PRKCQ: variants seen among roughly 807,000 people sequenced by gnomAD.
PRKCQ encodes protein kinase C theta.
Under a neutral mutation model 91.2 loss-of-function variants are expected in PRKCQ, and 41 were observed. That is an observed-to-expected ratio of 0.45 (90% CI 0.35 to 0.58). The LOEUF (loss-of-function observed/expected upper bound fraction) is 0.58. Ranked by LOEUF, PRKCQ falls within the 20% of genes least tolerant of loss-of-function variation. The pLI is 0.00. For synonymous variants in PRKCQ, 307 were observed against 316.9 expected, an observed-to-expected ratio of 0.97 and a Z score of 0.33; for missense variants, 673 against 896.5, an observed-to-expected ratio of 0.75 and a Z score of 3.18.
chr10:6,394,630 T>A, the PRKCQ span, among the ~76,000 whole-genome samples: 4 of 148,590 alleles, frequency 2.7e-5, no homozygotes, highest in African/African-American at 1.0e-4. Context: ...ATACGCCAAA[T>A]CGTCAGACGT....
rs984772040 is a variant in PRKCQ, at chr10:6,576,622, G to A, written c.-10+3589C>T. ...GATGAGAAGAATCCTGTGGATGGAT[G>A]ATGGCAATGGTTGCAAAACAATGTG... On this transcript the variant is annotated intron_variant, in intron 1 of 17. Transcript: ENST00000263125. This position sits in a 1 kb window ranked among gnomAD's most constrained non-coding sequence, Gnocchi z 4.2. Among the ~76,000 whole-genome samples the A allele has an allele frequency of 3.3e-5, 5 of 152,222 alleles. No homozygotes were observed. Among genetic ancestry groups the A allele is most frequent in the Non-Finnish European group, 1.5e-5 (1 of 68,044 alleles).
chr10:6,452,021 C>T (rs535525885), intron 15 of PRKCQ, among the ~76,000 whole-genome samples: 23 of 152,212 alleles, frequency 1.5e-4, no homozygotes, highest in South Asian at 4.1e-4. Flanking sequence ...TGGCACAAGA[C>T]AGGGATGCCC....
chr10:6,556,301 A>G (rs1006573678), intron 1 of PRKCQ, among the ~76,000 whole-genome samples: 1 of 151,988 alleles, frequency 6.6e-6, no homozygotes, highest in Non-Finnish European at 1.5e-5. Flanking sequence ...GTGCAGTGGC[A>G]TACGCTTGTA....
In PRKCQ at chr10:6,483,534, G is replaced by T. The variant is rs760035656; in HGVS notation, c.1085C>A (p.Pro362His). 1 of 1,614,172 alleles carries T rather than the reference G, an allele frequency of 6.2e-7. No individual in the cohort carries two copies. The highest frequency in any genetic ancestry group is 8.5e-7 in the Non-Finnish European group (1 of 1,180,016). The change falls in exon 11 of 18, where the codon CCT becomes CAT. Residue 362 changes from proline (P) to histidine (H), a missense_variant. Transcript: ENST00000263125. ...AGATGGTCTTTCTTTGTTCAGTTCA[G>T]GTTCTGGAAGATGGCACATTTTATC... ...EVDKMCHLPE[P>H]ELNKERPSLQ...
intron 1 of PRKCQ, among the ~76,000 whole-genome samples, chr10:6,544,625 T>C (rs1192898642): frequency 2.0e-5 from 3 of 150,094 alleles, no homozygotes; most frequent in Admixed American, 1.3e-4. Context: ...TACCCCACAC[T>C]CTTTTTTTTT....
intron 1 of PRKCQ, among the ~76,000 whole-genome samples, chr10:6,575,457 A>G (rs893387517): frequency 5.9e-5 from 9 of 152,226 alleles, no homozygotes; most frequent in Middle Eastern, 3.2e-3. Context: ...TTTCTGAATC[A>G]TAAGGTTCCT....
At chr10:6,574,984 C>T (rs1047534834) in intron 1 of PRKCQ, among the ~76,000 whole-genome samples, 1 of 151,968 alleles carries the variant, frequency 6.6e-6, no homozygotes, top group Admixed American at 6.5e-5. Flanking sequence ...TCATTCTGCA[C>T]ATATTTGTTC....
intron 1 of PRKCQ, among the ~76,000 whole-genome samples, chr10:6,573,887 C>T (rs576230376): frequency 7.9e-5 from 12 of 152,308 alleles, no homozygotes; most frequent in Admixed American, 3.9e-4. Context: ...GAGGCCAAGG[C>T]GGGCAGATCA....
chr10:6,442,113 C>T, intron 15 of PRKCQ, 32 bp from the exon 16 acceptor site: 2 of 1,597,450 alleles, frequency 1.3e-6, no homozygotes, highest in Non-Finnish European at 1.7e-6. Context: ...AGGAAATTAA[C>T]AGGAATGAGG....
chr10:6,451,986 A>C (rs1177969879), intron 15 of PRKCQ, among the ~76,000 whole-genome samples: 4 of 152,298 alleles, frequency 2.6e-5, no homozygotes, highest in East Asian at 3.9e-4. Flanking sequence ...AATGGGCAAA[A>C]ACTGGAAGCA....
the PRKCQ span, among the ~76,000 whole-genome samples, chr10:6,407,654 GTGAA>G: frequency 3.9e-4 from 60 of 152,046 alleles, no homozygotes; most frequent in Middle Eastern, 3.4e-3. This position sits in a 1 kb window ranked among gnomAD's most constrained non-coding sequence, Gnocchi z 4.0. Context: ...TGGGTTGCAT[GTGAA>G]TGAATGTGTG....
At chr10:6,518,407 G>T (rs1416705467) in intron 1 of PRKCQ, among the ~76,000 whole-genome samples, 1 of 152,106 alleles carries the variant, frequency 6.6e-6, no homozygotes, top group Non-Finnish European at 1.5e-5. Flanking sequence ...AACATTTGCA[G>T]TTAGGCAAAC....
intron 1 of PRKCQ, among the ~76,000 whole-genome samples, chr10:6,531,282 C>T (rs1839385297): frequency 6.6e-6 from 1 of 152,034 alleles, no homozygotes; most frequent in African/African-American, 2.4e-5. Flanking sequence ...TCTATTTGCT[C>T]AGAATCCAGC....
chr10:6,556,514 G>C (rs1057285292), intron 1 of PRKCQ, among the ~76,000 whole-genome samples: 4 of 152,002 alleles, frequency 2.6e-5, no homozygotes, highest in Admixed American at 6.6e-5. Context: ...AGAGTAGAAG[G>C]GGGTGGCCTG....
the PRKCQ span, among the ~76,000 whole-genome samples, chr10:6,416,559 C>G: frequency 2.0e-5 from 3 of 152,294 alleles, no homozygotes; most frequent in East Asian, 5.8e-4. Flanking sequence ...CTTTTTATGG[C>G]TGAGTAGTGT....
chr10:6,501,173 G>C (rs1407482501), intron 4 of PRKCQ, among the ~76,000 whole-genome samples: 1 of 151,980 alleles, frequency 6.6e-6, no homozygotes, highest in African/African-American at 2.4e-5. Context: ...CAGAGTCTTA[G>C]GGTCTAAGAA....
the PRKCQ span, among the ~76,000 whole-genome samples, chr10:6,406,695 T>C: frequency 6.6e-6 from 1 of 152,198 alleles, no homozygotes; most frequent in Non-Finnish European, 1.5e-5. Flanking sequence ...GATCTTATGA[T>C]AATATGTTCA....
chr10:6,454,814 T>G (rs1270024695), intron 15 of PRKCQ, among the ~76,000 whole-genome samples: 1 of 151,808 alleles, frequency 6.6e-6, no homozygotes, highest in Non-Finnish European at 1.5e-5. Flanking sequence ...TCGTGGAGGA[T>G]GTAGAGTAAG....
the PRKCQ span, among the ~76,000 whole-genome samples, chr10:6,415,333 G>A: frequency 2.0e-5 from 3 of 147,280 alleles, no homozygotes; most frequent in African/African-American, 5.1e-5. Flanking sequence ...CAAAGAAAAC[G>A]ATACCAACAC....
Sources: allele counts gnomAD v4.1 joint callset (sites outside exome capture counted in the v4.1 genomes callset), GRCh38; gene constraint gnomAD v4.1.1; non-coding constraint Gnocchi (gnomAD v3.1); transcripts MANE v1.5; gene names NCBI Gene and HGNC (gene_info 2026-07-23, HGNC 2026-07-21).